AUTS2: variants seen among roughly 807,000 people sequenced by gnomAD.
AUTS2 encodes the protein autism susceptibility gene 2 protein.
Under a neutral mutation model 112.4 loss-of-function variants are expected in AUTS2, and 17 were observed. The observed-to-expected ratio is 0.15, with a 90% confidence interval of 0.10 to 0.23. AUTS2 has a LOEUF of 0.23. AUTS2 is among the 10% of genes least tolerant of loss of function. The pLI, the probability that AUTS2 is intolerant of heterozygous loss-of-function variation, is 1.00. For missense variants in AUTS2, 1,510 were observed against 1,701.6 expected, an observed-to-expected ratio of 0.89 and a Z score of 1.98; for synonymous variants, 751 against 702.7, an observed-to-expected ratio of 1.07 and a Z score of -1.09.
chr7:69,929,942 T>C (rs545894461), intron 2 of AUTS2, among the ~76,000 whole-genome samples: 6 of 152,350 alleles, frequency 3.9e-5, no homozygotes, highest in Admixed American at 1.3e-4. Context: ...TTGGTATTTC[T>C]ATAAGTCGCC....
At chr7:70,016,869 T>C (rs981545376) in intron 2 of AUTS2, among the ~76,000 whole-genome samples, 2 of 152,124 alleles carry the variant, frequency 1.3e-5, no homozygotes, top group Non-Finnish European at 2.9e-5. Context: ...GGTTTCACCA[T>C]GTTGGCCAGG....
intron 4 of AUTS2, among the ~76,000 whole-genome samples, chr7:70,230,617 G>A (rs1358859541): frequency 6.6e-6 from 1 of 152,188 alleles, no homozygotes; most frequent in Non-Finnish European, 1.5e-5. Flanking sequence ...GAAATAAGTA[G>A]CTTACTAAGG....
chr7:69,704,304 G>A (rs1274525705), intron 1 of AUTS2, among the ~76,000 whole-genome samples: 1 of 151,332 alleles, frequency 6.6e-6, no homozygotes, highest in African/African-American at 2.4e-5. Context: ...TTGAGACGGA[G>A]TCTCACTCTG....
chr7:70,210,809 C>T (rs970352451), intron 4 of AUTS2, among the ~76,000 whole-genome samples: 1 of 152,132 alleles, frequency 6.6e-6, no homozygotes, highest in Non-Finnish European at 1.5e-5. Context: ...GAACCAAGCT[C>T]GTGTTCTTAT....
chr7:70,115,478 A>G (rs1805310273), intron 2 of AUTS2, among the ~76,000 whole-genome samples: 2 of 152,204 alleles, frequency 1.3e-5, no homozygotes, highest in African/African-American at 2.4e-5. Flanking sequence ...CTCAGCCATA[A>G]AGGTGTTGAT....
At chr7:70,717,128 C>A (rs575465697) in intron 6 of AUTS2, among the ~76,000 whole-genome samples, 1 of 151,778 alleles carries the variant, frequency 6.6e-6, no homozygotes, top group African/African-American at 2.4e-5. Context: ...AACTCCTGGG[C>A]TCAAGTGATC....
chr7:69,937,239 C>A (rs938928600), intron 2 of AUTS2, among the ~76,000 whole-genome samples: 1 of 152,180 alleles, frequency 6.6e-6, no homozygotes, highest in African/African-American at 2.4e-5. Context: ...AGATTGAAGG[C>A]AGCTCATTAA....
chr7:69,699,672 A>C (rs1235848743), intron 1 of AUTS2, among the ~76,000 whole-genome samples: 1 of 141,278 alleles, frequency 7.1e-6, no homozygotes, highest in Non-Finnish European at 1.5e-5. Context: ...CCCGAGACAG[A>C]ATCTCACTCT....
At chr7:70,716,035 C>T (rs1432940949) in intron 6 of AUTS2, among the ~76,000 whole-genome samples, 1 of 152,182 alleles carries the variant, frequency 6.6e-6, no homozygotes, top group African/African-American at 2.4e-5. Flanking sequence ...AGGCAAAAAC[C>T]TGAATCGTGT....
intron 4 of AUTS2, among the ~76,000 whole-genome samples, chr7:70,346,281 T>A (rs530809216): frequency 1.3e-5 from 2 of 152,314 alleles, no homozygotes; most frequent in African/African-American, 4.8e-5. Context: ...ATTTTTATCA[T>A]GTCTCTAAAA....
chr7:70,125,245 A>ATG (rs59747508), intron 3 of AUTS2, among the ~76,000 whole-genome samples: 18,383 of 144,612 alleles, frequency 0.13, 1,141 homozygotes, highest in Non-Finnish European at 0.14. Context: ...TTATTTGGAG[A>ATG]TGTGTGTGTG....
intron 5 of AUTS2, among the ~76,000 whole-genome samples, chr7:70,453,608 A>G (rs1796617474): frequency 1.3e-5 from 2 of 152,208 alleles, no homozygotes; most frequent in South Asian, 2.1e-4. Context: ...GCAGGGCCAC[A>G]TTCCTCCCAG....
intron 4 of AUTS2, among the ~76,000 whole-genome samples, chr7:70,247,359 G>A (rs1812978230): frequency 6.6e-6 from 1 of 152,128 alleles, no homozygotes; most frequent in South Asian, 2.1e-4. Flanking sequence ...TCAGAGGCTG[G>A]TGGGAAGAGG....
At chr7:70,477,073 T>C (rs1362350569) in intron 5 of AUTS2, among the ~76,000 whole-genome samples, 2 of 152,218 alleles carry the variant, frequency 1.3e-5, no homozygotes, top group Non-Finnish European at 2.9e-5. Flanking sequence ...GGAAAGAAAT[T>C]ACTGTCCAAG....
intron 4 of AUTS2, among the ~76,000 whole-genome samples, chr7:70,243,231 T>G (rs944991818): frequency 2.3e-5 from 3 of 131,754 alleles, no homozygotes; most frequent in South Asian, 2.7e-4. Context: ...GAATGTATCC[T>G]TGTGTGTGTG....
chr7:70,376,376 C>CT (rs1004202668), intron 4 of AUTS2, among the ~76,000 whole-genome samples: 5 of 151,160 alleles, frequency 3.3e-5, no homozygotes, highest in African/African-American at 4.9e-5. Context: ...CTTTGTTTCT[C>CT]TTTTTTTTTA....
At chr7:70,737,594 C>G (rs533894967) in intron 6 of AUTS2, among the ~76,000 whole-genome samples, 2 of 152,268 alleles carry the variant, frequency 1.3e-5, no homozygotes, top group South Asian at 2.1e-4. Context: ...CTAATTTTAC[C>G]GAAATGTGTT....
intron 2 of AUTS2, among the ~76,000 whole-genome samples, chr7:70,113,857 T>C (rs1805216551): frequency 6.6e-6 from 1 of 152,226 alleles, no homozygotes. Context: ...GTGCACAGAA[T>C]TGCTATACCT....
chr7:69,888,282 G>GTTCT (rs1794363390), intron 1 of AUTS2, among the ~76,000 whole-genome samples: 1 of 151,788 alleles, frequency 6.6e-6, no homozygotes, highest in African/African-American at 2.4e-5. Context: ...TTATGGTGGA[G>GTTCT]TTCTCATGTG....
Sources: gnomAD v4.1 joint callset for allele counts (sites outside exome capture counted in the v4.1 genomes callset) on GRCh38, gnomAD v4.1.1 for gene constraint, MANE v1.5 for transcripts, NCBI Gene and HGNC (gene_info 2026-07-23, HGNC 2026-07-21) for gene names.